Variants in TPTE2 observed in about 807,000 individuals in gnomAD.
TPTE2 encodes phosphatidylinositol 3,4,5-trisphosphate 3-phosphatase TPTE2.
TPTE2 carries 53 observed loss-of-function variants against 78.6 expected under a neutral mutation model. The observed-to-expected ratio is 0.67, with a 90% CI of 0.54 to 0.85. TPTE2 has a LOEUF of 0.85. TPTE2 is among the 40% of genes least tolerant of loss of function. The pLI is 0.00. For missense variants in TPTE2, 461 were observed against 623.0 expected (o/e 0.74, Z 2.77); for synonymous variants, 175 against 206.2 (o/e 0.85, Z 1.30).
At chr13:19,452,226 G>C (rs1264367571) in intron 10 of TPTE2, among the ~76,000 whole-genome samples, 1 of 151,864 alleles carries the variant, frequency 6.6e-6, no homozygotes, top group Non-Finnish European at 1.5e-5. Flanking sequence ...AATCCACACG[G>C]GTTTAGAAAT....
At chr13:19,493,364 T>A in intron 2 of TPTE2, 84 bp downstream of exon 5, 1 of 911,328 alleles carries the variant, frequency 1.1e-6, no homozygotes, top group Non-Finnish European at 1.7e-6. Context: ...TGGATGGATA[T>A]ATTTGCTCAT....
chr13:19,506,160 CTTTTT>C (rs71092369), upstream of TPTE2, among the ~76,000 whole-genome samples: 27 of 32,856 alleles, frequency 8.2e-4, no homozygotes, highest in South Asian at 5.8e-3. Context: ...GTATATAAAT[CTTTTT>C]TTTTTTTTTT....
intron 1 of TPTE2, among the ~76,000 whole-genome samples, chr13:19,526,300 G>C (rs1009139897): frequency 6.6e-6 from 1 of 152,062 alleles, no homozygotes; most frequent in African/African-American, 2.4e-5. Flanking sequence ...CCCATCAATG[G>C]TGAACTGAAT....
At chr13:19,550,733 C>T in the TPTE2 span, among the ~76,000 whole-genome samples, 80 of 152,276 alleles carry the variant, frequency 5.3e-4, no homozygotes, top group Middle Eastern at 3.4e-3. Context: ...CACTGACTCT[C>T]CTGAATAAAG....
At chr13:19,465,414 C>A (rs758605206) in intron 8 of TPTE2, 51 bp downstream of exon 11, 2 of 1,606,994 alleles carry the variant, frequency 1.2e-6, no homozygotes, top group African/African-American at 1.3e-5. Context: ...GCCAATGGGT[C>A]CCAAAACACA....
intron 16 of TPTE2, among the ~76,000 whole-genome samples, chr13:19,431,333 C>T (rs931540455): frequency 6.6e-6 from 1 of 151,942 alleles, no homozygotes; most frequent in African/African-American, 2.4e-5. Context: ...CCAAAAATTC[C>T]TGTGGTGTTC....
At chr13:19,512,699 C>T (rs1869533399) in intron 1 of TPTE2, among the ~76,000 whole-genome samples, 1 of 152,132 alleles carries the variant, frequency 6.6e-6, no homozygotes, top group African/African-American at 2.4e-5. Context: ...CTGCCTCAGC[C>T]TCCCGAGTAG....
chr13:19,470,500 T>G (rs866230961), intron 6 of TPTE2, among the ~76,000 whole-genome samples: 1 of 151,984 alleles, frequency 6.6e-6, no homozygotes, highest in Non-Finnish European at 1.5e-5. Context: ...TTGGTTTTGG[T>G]TTTTGGGTTT....
intron 3 of TPTE2, among the ~76,000 whole-genome samples, chr13:19,491,161 T>C (rs560191096): frequency 3.9e-5 from 6 of 152,354 alleles, no homozygotes; most frequent in African/African-American, 1.4e-4. Context: ...CTTTTGTGTG[T>C]GTCTATGTGT....
At chr13:19,546,457 T>C in the TPTE2 span, among the ~76,000 whole-genome samples, 1 of 151,352 alleles carries the variant, frequency 6.6e-6, no homozygotes, top group Non-Finnish European at 1.5e-5. Context: ...TTAGTTAGTT[T>C]GATTTTTGGG....
intron 11 of TPTE2, among the ~76,000 whole-genome samples, chr13:19,450,691 TACAGGTAGAGGAAAAAATCAAGAGAG>T (rs1878119792): frequency 1.3e-5 from 2 of 152,148 alleles, no homozygotes; most frequent in African/African-American, 4.8e-5. Flanking sequence ...CTATTGAGTA[TACAGGTAGAGGAAAAAATCAAGAGAG>T]ACAGGGTATT....
chr13:19,497,114 C>G lies in TPTE2; in HGVS notation c.12-3613G>C, dbSNP rs548567200. ...GAGGGGCTTAAAAAACGGTGCACCG[C>G]GAGATTATATCCCGCACCTGTCTTG... On this transcript the variant is annotated intron_variant, in intron 1 of 19. Coordinates refer to ENST00000400230, the Ensembl canonical transcript of TPTE2. 1.8e-4 allele frequency among the ~76,000 whole-genome samples: 27 copies of G among 151,848 alleles called. 3 individuals are homozygous for G. The South Asian group carries it at 4.5e-3, about 25-fold the overall frequency.
At chr13:19,496,917 A>C (rs1881353904) in intron 1 of TPTE2, among the ~76,000 whole-genome samples, 1 of 152,268 alleles carries the variant, frequency 6.6e-6, no homozygotes, top group Non-Finnish European at 1.5e-5. Context: ...AGTGCCAGAC[A>C]GTGGGCGCAG....
intron 9 of TPTE2, 138 bp from the exon 13 acceptor site, chr13:19,464,658 T>A: frequency 1.2e-6 from 1 of 835,514 alleles, no homozygotes; most frequent in Non-Finnish European, 1.8e-6. Context: ...AAAGAGCTAA[T>A]ACTCAGGATA....
chr13:19,444,864 T>C (rs1877728010), intron 13 of TPTE2, among the ~76,000 whole-genome samples: 1 of 152,230 alleles, frequency 6.6e-6, no homozygotes, highest in African/African-American at 2.4e-5. Context: ...ATTCATGTTC[T>C]TCAGGGTAGC....
At chr13:19,555,010 A>G in the TPTE2 span, among the ~76,000 whole-genome samples, 1 of 152,200 alleles carries the variant, frequency 6.6e-6, no homozygotes, top group Non-Finnish European at 1.5e-5. Context: ...TAGGATCATC[A>G]CTATATTTTT....
At chr13:19,508,124 T>C (rs547436706), upstream of TPTE2, among the ~76,000 whole-genome samples, 1 of 152,250 alleles carries the variant, frequency 6.6e-6, no homozygotes, top group East Asian at 1.9e-4. Context: ...TGAGACTGAC[T>C]ATATAATTCC....
intron 13 of TPTE2, among the ~76,000 whole-genome samples, chr13:19,440,482 G>C (rs1207005512): frequency 1.3e-5 from 2 of 152,100 alleles, no homozygotes; most frequent in African/African-American, 4.8e-5. Context: ...TCAAAATAGA[G>C]CCATGGGCCG....
intron 19 of TPTE2, among the ~76,000 whole-genome samples, chr13:19,423,819 G>A (rs1008741087): frequency 6.6e-6 from 1 of 152,090 alleles, no homozygotes; most frequent in African/African-American, 2.4e-5. Context: ...CAAAATGAAC[G>A]CAGTGTTTTA....
Sources: gnomAD v4.1 joint callset for allele counts (sites outside exome capture counted in the v4.1 genomes callset) on GRCh38, gnomAD v4.1.1 for gene constraint, MANE v1.5 for transcripts, NCBI Gene and HGNC (gene_info 2026-07-23, HGNC 2026-07-21) for gene names.